The following WDR27 variants were observed in gnomAD, a reference collection of about 807,000 sequenced individuals.
WDR27 encodes the protein WD repeat-containing protein 27.
Under a neutral mutation model 114.4 loss-of-function variants are expected in WDR27, and 100 were observed. The ratio of observed to expected loss-of-function variants is 0.87; its 90% CI spans 0.74 to 1.03. WDR27 has a LOEUF of 1.03. Among genes scored for constraint, WDR27 ranks in the 50% least tolerant of loss-of-function variants. The pLI is 0.00. For synonymous variants in WDR27, 449 were observed against 423.1 expected (o/e 1.06, Z -0.75); for missense variants, 1,129 against 1,092.9 (o/e 1.03, Z -0.47).
rs767620279 is a variant in WDR27 at position 169,587,891 on chromosome 6, C to T, written c.2425-4957G>A. ...GGATTCATTTATCCTGAAATGGCAG[C>T]GACTGCCAGTCTATGGTACATACCA... is the stretch of plus-strand genomic sequence containing the variant. On this transcript the variant is annotated intron_variant, in intron 23 of 25. Transcript: ENST00000448612. Among the ~76,000 whole-genome samples the T allele has an allele frequency of 2.0e-4, 30 of 152,304 alleles. 1 individual carries two copies. The Middle Eastern group carries it at 0.014, about 69-fold the overall frequency.
At chr6:169,473,294 C>T (rs1003458147) in intron 25 of WDR27, among the ~76,000 whole-genome samples, 8 of 152,134 alleles carry the variant, frequency 5.3e-5, no homozygotes, top group Non-Finnish European at 7.3e-5. Flanking sequence ...GAGGCAAGTG[C>T]GCTTGGAGAC....
At chr6:169,547,606 A>C (rs552834415) in intron 25 of WDR27, among the ~76,000 whole-genome samples, 5 of 152,132 alleles carry the variant, frequency 3.3e-5, no homozygotes, top group Non-Finnish European at 7.4e-5. Flanking sequence ...AAAATACCAC[A>C]TCCATTCATA....
Position 169,659,715 on chromosome 6 carries a change from C to CCA in WDR27, c.1130-199_1130-198dup, listed in dbSNP as rs1825467850. 6.6e-6 allele frequency among the ~76,000 whole-genome samples: 1 copy of CCA among 151,942 alleles called. No individual in the cohort carries two copies. Among genetic ancestry groups the CCA allele is most frequent in the African/African-American group, 2.4e-5 (1 of 41,358 alleles). On this transcript the variant is annotated intron_variant, in intron 10 of 25. Transcript: ENST00000448612. This position sits in a 1 kb window ranked among gnomAD's most constrained non-coding sequence, Gnocchi z 4.3. ...GGCCACACACACACCAGCGCACACA[C>CCA]CACACACACACCAGGCCCTGAGCGT...
intron 1 of WDR27, among the ~76,000 whole-genome samples, chr6:169,694,654 T>C (rs1021473962): frequency 4.6e-5 from 7 of 152,364 alleles, no homozygotes; most frequent in African/African-American, 1.7e-4. Context: ...AGGAGTTTAA[T>C]ATGTAATTAA....
intron 15 of WDR27, 30 bp from the exon 16 acceptor site, chr6:169,647,900 G>T: frequency 6.8e-7 from 1 of 1,462,808 alleles, no homozygotes. Flanking sequence ...AACGGTGATC[G>T]GGAGACATTC....
In WDR27 at chr6:169,602,207, A is replaced by G. The variant is rs371747918; in HGVS notation, c.2424+12T>C. 1.4e-3 allele frequency: 2,118 copies of G among 1,524,240 alleles called. 3 individuals carry two copies. Among genetic ancestry groups the G allele is most frequent in the Middle Eastern group, 3.0e-3 (18 of 5,902 alleles). 94.4% of individuals were successfully genotyped at this position (1,524,240 alleles called of 1,614,324 possible). ...GACTCTCTACATTTATAGACAGTCA[A>G]ACAGTACATACGTGTCTGTCCTCGG... is the stretch of plus-strand genomic sequence containing the variant. On this transcript the variant is annotated intron_variant, in intron 23 of 25. Transcript: ENST00000448612.
chr6:169,452,030 T>G, the WDR27 span, among the ~76,000 whole-genome samples: 1 of 152,380 alleles, frequency 6.6e-6, no homozygotes, highest in Middle Eastern at 3.4e-3. Context: ...GGAGACAAGA[T>G]GGTCAACTTA....
In WDR27 at chr6:169,542,529, A is replaced by G. The variant is rs141722313; in HGVS notation, c.2645+29890T>C. The stretch of plus-strand genomic sequence containing the variant: ...TTATTCCAAGAGACTAAGACAAAAT[A>G]ACTAAATGAAATGCATCATCCTGAA... On this transcript the variant is annotated intron_variant, in intron 25 of 25. Transcript: ENST00000448612. Among the ~76,000 whole-genome samples, 787 of 152,280 alleles carry G rather than the reference A, an allele frequency of 5.2e-3. 7 individuals are homozygous for G. Among genetic ancestry groups the G allele is most frequent in the African/African-American group, 0.018 (753 of 41,576 alleles).
At position 169,670,626 on chromosome 6, in the gene WDR27, C is replaced by T. The variant is rs747135382; in HGVS notation, c.399G>A (p.Leu133=). The change falls in exon 4 of 26, where the codon CTG becomes CTA. Residue 133 remains leucine (L), a synonymous_variant. Coordinates refer to ENST00000448612, the MANE Select transcript of WDR27 (RefSeq NM_182552.5). Reference sequence around the variant, plus strand: ...CACACACGGCAACAACATGATCATCCAGGCTCAACTGTAAACACAGCACCT... The same window carrying T: ...CACACACGGCAACAACATGATCATCTAGGCTCAACTGTAAACACAGCACCT... ...LGKVLCLQLS[L]DDHVVAVCAG... 2 of 1,613,984 alleles carry T rather than the reference C, an allele frequency of 1.2e-6. No individual in the cohort carries two copies. Among genetic ancestry groups the T allele is most frequent in the East Asian group, 4.5e-5 (2 of 44,874 alleles).
At chr6:169,538,137 A>G (rs1796403607) in intron 25 of WDR27, among the ~76,000 whole-genome samples, 1 of 152,148 alleles carries the variant, frequency 6.6e-6, no homozygotes, top group Admixed American at 6.6e-5. Context: ...AACATTGAAT[A>G]TATGTTTAAA....
At chr6:169,529,685 A>T (rs1454994856) in intron 25 of WDR27, among the ~76,000 whole-genome samples, 1 of 152,196 alleles carries the variant, frequency 6.6e-6, no homozygotes, top group Non-Finnish European at 1.5e-5. Context: ...ATTCAAATGG[A>T]CCACCATTTA....
rs117122031 is a variant in WDR27, at chr6:169,621,316, G to A, written c.2224-7660C>T. 5.7e-3 allele frequency among the ~76,000 whole-genome samples: 756 copies of A among 131,798 alleles called. 10 individuals carry two copies. The highest frequency in any genetic ancestry group is 0.034 in the East Asian group (162 of 4,714). 86.5% of individuals were successfully genotyped at this position (131,798 alleles called of 152,430 possible). On this transcript the variant is annotated intron_variant, in intron 21 of 25. Transcript: ENST00000448612. ...CGCACGCATATACATACCCACACAC[G>A]CATTCACACATATACATACGCACAC...
At chr6:169,584,268 G>A (rs946392772) in intron 23 of WDR27, among the ~76,000 whole-genome samples, 3 of 152,168 alleles carry the variant, frequency 2.0e-5, no homozygotes, top group African/African-American at 7.2e-5. Context: ...GTGTGTACAT[G>A]TGTGTACAGA....
intron 25 of WDR27, among the ~76,000 whole-genome samples, chr6:169,485,250 T>C (rs751852933): frequency 7.2e-5 from 11 of 152,142 alleles, no homozygotes; most frequent in Non-Finnish European, 1.0e-4. Context: ...TAAGATAAAG[T>C]ATTTGCAAAC....
intron 25 of WDR27, among the ~76,000 whole-genome samples, chr6:169,482,231 C>G (rs1788263124): frequency 6.6e-6 from 1 of 152,160 alleles, no homozygotes; most frequent in Non-Finnish European, 1.5e-5. Flanking sequence ...CATGTCTTTG[C>G]TATTGTGAGT....
intron 2 of WDR27, among the ~76,000 whole-genome samples, chr6:169,674,425 A>AT (rs1779558871): frequency 6.6e-6 from 1 of 152,240 alleles, no homozygotes; most frequent in Non-Finnish European, 1.5e-5. Context: ...GAAAACTAGA[A>AT]TAAGATAAAA....
chr6:169,446,529 C>T, the WDR27 span, among the ~76,000 whole-genome samples: 2 of 152,174 alleles, frequency 1.3e-5, no homozygotes, highest in Non-Finnish European at 2.9e-5. Context: ...GGGCAAACCA[C>T]AGGATTTGGG....
intron 25 of WDR27, among the ~76,000 whole-genome samples, chr6:169,462,216 G>A (rs139876473): frequency 7.9e-5 from 12 of 152,108 alleles, no homozygotes; most frequent in Admixed American, 2.6e-4. Flanking sequence ...TTGGGAGGCC[G>A]AGGTGGTCAC....
chr6:169,502,649 C>T (rs919747050), intron 25 of WDR27, among the ~76,000 whole-genome samples: 9 of 152,114 alleles, frequency 5.9e-5, no homozygotes, highest in African/African-American at 2.2e-4. Flanking sequence ...GGAAGCGTCT[C>T]GTCTCACTCC....
Sources: allele counts gnomAD v4.1 joint callset (sites outside exome capture counted in the v4.1 genomes callset), GRCh38; gene constraint gnomAD v4.1.1; non-coding constraint Gnocchi (gnomAD v3.1); transcripts MANE v1.5; gene names NCBI Gene and HGNC (gene_info 2026-07-23, HGNC 2026-07-21).